Variants in ADAMTS3 observed in about 807,000 individuals in gnomAD.
ADAMTS3 encodes the protein ADAM metallopeptidase with thrombospondin type 1 motif 3.
ADAMTS3 carries 73 observed loss-of-function variants against 129.0 expected under a neutral mutation model. The observed-to-expected ratio is 0.57, with a 90% confidence interval of 0.47 to 0.69. The LOEUF (loss-of-function observed/expected upper bound fraction) is 0.69, where lower values mean the gene tolerates loss of function less well. Ranked by LOEUF, ADAMTS3 falls within the 30% of genes least tolerant of loss-of-function variation. The probability of loss-of-function intolerance (pLI) is 0.00; values close to 1 mark genes in which losing one functional copy is unlikely to be tolerated. For synonymous variants in ADAMTS3, 477 were observed against 510.8 expected, an observed-to-expected ratio of 0.93 and a Z score of 0.89; for missense variants, 1,457 against 1,514.5, an observed-to-expected ratio of 0.96 and a Z score of 0.63.
At chr4:72,316,217 GT>G (rs1693024087) in intron 10 of ADAMTS3, among the ~76,000 whole-genome samples, 2 of 152,010 alleles carry the variant, frequency 1.3e-5, no homozygotes, top group Admixed American at 1.3e-4. Context: ...GACTTTTAAG[GT>G]TTTTGCTTGC....
chr4:72,355,964 G>T (rs959306964), intron 4 of ADAMTS3, among the ~76,000 whole-genome samples: 5 of 151,884 alleles, frequency 3.3e-5, no homozygotes, highest in African/African-American at 1.2e-4. Context: ...TGCAGACAGA[G>T]GGACATATAT....
At chr4:72,544,422 ACACTTGACCAATCT>A (rs990041610) in intron 3 of ADAMTS3, among the ~76,000 whole-genome samples, 12 of 152,206 alleles carry the variant, frequency 7.9e-5, no homozygotes, top group African/African-American at 2.9e-4. Flanking sequence ...GACAAGAGTT[ACACTTGACCAATCT>A]CAGTACTTAC....
chr4:72,288,923 T>C lies in ADAMTS3; in HGVS notation c.2932-55A>G, dbSNP rs74873938. The C allele has an allele frequency of 4.9e-3, 2,229 of 452,644 alleles. 29 individuals carry two copies. The highest frequency in any genetic ancestry group is 0.035 in the African/African-American group (1,596 of 45,968). 28.0% of individuals were successfully genotyped at this position (452,644 alleles called of 1,614,324 possible). Reference sequence around the variant, plus strand: ...ATTTATTGCACCAAGACCATGCACATACACACACACACACACACACACACA... The same window carrying C: ...ATTTATTGCACCAAGACCATGCACACACACACACACACACACACACACACA... On this transcript the variant is annotated intron_variant, in intron 20 of 21. Coordinates refer to ENST00000286657, the MANE Select transcript of ADAMTS3 (RefSeq NM_014243.3).
chr4:72,547,543 G>A (rs1292297775), intron 3 of ADAMTS3, among the ~76,000 whole-genome samples: 1 of 152,162 alleles, frequency 6.6e-6, no homozygotes, highest in Admixed American at 6.6e-5. Context: ...GTAATATGAT[G>A]ATTTCAGTCA....
At chr4:72,370,799 T>A (rs1332558158) in intron 4 of ADAMTS3, among the ~76,000 whole-genome samples, 2 of 152,010 alleles carry the variant, frequency 1.3e-5, no homozygotes, top group Non-Finnish European at 2.9e-5. Flanking sequence ...AGATGGTAGG[T>A]ATAATCCCAA....
intron 3 of ADAMTS3, among the ~76,000 whole-genome samples, chr4:72,449,802 T>C (rs548721951): frequency 3.3e-5 from 5 of 151,878 alleles, no homozygotes; most frequent in Admixed American, 3.3e-4. Flanking sequence ...CTCACTTTCT[T>C]ACTCGTCCTC....
Position 72,323,892 on chromosome 4 carries a change from G to T in ADAMTS3, c.862-795C>A, listed in dbSNP as rs562386872. On this transcript the variant is annotated intron_variant, in intron 5 of 21. Coordinates refer to ENST00000286657, the MANE Select transcript of ADAMTS3 (RefSeq NM_014243.3). ...TATACAGATGAAGAAAATAAAGCCT[G>T]TAGAAATTATCTGACATGCAAAACA... 4.6e-4 allele frequency among the ~76,000 whole-genome samples: 70 copies of T among 152,282 alleles called. 1 individual carries two copies. Among genetic ancestry groups the T allele is most frequent in the Non-Finnish European group, 8.4e-4 (57 of 68,024 alleles).
At chr4:72,356,376 ATATTC>A (rs1720582532) in intron 4 of ADAMTS3, among the ~76,000 whole-genome samples, 1 of 151,898 alleles carries the variant, frequency 6.6e-6, no homozygotes, top group South Asian at 2.1e-4. Flanking sequence ...CTATTATATG[ATATTC>A]TATTCTATCT....
At chr4:72,549,613 G>A (rs1288268632) in intron 2 of ADAMTS3, among the ~76,000 whole-genome samples, 1 of 152,036 alleles carries the variant, frequency 6.6e-6, no homozygotes, top group Non-Finnish European at 1.5e-5. Context: ...GGGTAAAGAA[G>A]ACATAATAAT....
At chr4:72,466,113 T>C (rs1295650024) in intron 3 of ADAMTS3, among the ~76,000 whole-genome samples, 3 of 152,086 alleles carry the variant, frequency 2.0e-5, no homozygotes, top group African/African-American at 7.2e-5. Flanking sequence ...AATGTGATAA[T>C]GCAAGATGCC....
intron 3 of ADAMTS3, among the ~76,000 whole-genome samples, chr4:72,513,834 C>T (rs1327062060): frequency 6.6e-6 from 1 of 152,120 alleles, no homozygotes; most frequent in African/African-American, 2.4e-5. Flanking sequence ...ACCCTCACTC[C>T]TCTCCCATCC....
chr4:72,514,426 C>T (rs1470120435), intron 3 of ADAMTS3, among the ~76,000 whole-genome samples: 1 of 152,120 alleles, frequency 6.6e-6, no homozygotes, highest in Non-Finnish European at 1.5e-5. Flanking sequence ...GAAAAACAAA[C>T]ATTATCATCA....
chr4:72,501,443 C>A (rs1274425626), intron 3 of ADAMTS3, among the ~76,000 whole-genome samples: 1 of 152,018 alleles, frequency 6.6e-6, no homozygotes, highest in African/African-American at 2.4e-5. Flanking sequence ...TATAGAAATG[C>A]TACTAATTTT....
chr4:72,550,004 G>A lies in ADAMTS3; in HGVS notation c.98-1120C>T, dbSNP rs1241542774. 1.7e-3 allele frequency among the ~76,000 whole-genome samples: 7 copies of A among 4,136 alleles called. 2 individuals carry two copies. Among genetic ancestry groups the A allele is most frequent in the African/African-American group, 8.7e-3 (6 of 690 alleles). The allele number at this position is 4,136 out of a possible 152,430, so 2.7% of individuals were successfully genotyped here. On this transcript the variant is annotated intron_variant, in intron 2 of 21. Coordinates refer to ENST00000286657, the MANE Select transcript of ADAMTS3 (RefSeq NM_014243.3). ...AGAAGAAGAAGAAGAGGAAGAGGAA[G>A]AAGAAGAAGAAGAAGAAGAAGAAGA...
At chr4:72,318,829 C>A in intron 9 of ADAMTS3, 125 bp from the exon 10 acceptor site, 1 of 966,956 alleles carries the variant, frequency 1.0e-6, no homozygotes, top group Non-Finnish European at 1.5e-6. Flanking sequence ...AGCAAATTTG[C>A]AAAAACATGT....
chr4:72,426,323 A>G (rs948209056), intron 3 of ADAMTS3, among the ~76,000 whole-genome samples: 3 of 152,124 alleles, frequency 2.0e-5, no homozygotes, highest in African/African-American at 7.2e-5. Flanking sequence ...TGCTGTGCAG[A>G]AGCTCTTTAG....
intron 3 of ADAMTS3, among the ~76,000 whole-genome samples, chr4:72,516,953 G>C (rs1560546378): frequency 6.6e-6 from 1 of 152,134 alleles, no homozygotes; most frequent in East Asian, 1.9e-4. Context: ...TGCCCATTCA[G>C]TATGATATTA....
intron 3 of ADAMTS3, among the ~76,000 whole-genome samples, chr4:72,455,789 T>C (rs577343939): frequency 7.6e-6 from 1 of 131,040 alleles, no homozygotes; most frequent in East Asian, 2.2e-4. Flanking sequence ...ACTACTTATA[T>C]ATATATATAT....
chr4:72,521,647 CTATT>C (rs956993010), intron 3 of ADAMTS3, among the ~76,000 whole-genome samples: 4 of 152,098 alleles, frequency 2.6e-5, no homozygotes, highest in Non-Finnish European at 2.9e-5. Flanking sequence ...TCGAAAGTGA[CTATT>C]TATTATATTA....
Sources: gnomAD v4.1 joint callset for allele counts (sites outside exome capture counted in the v4.1 genomes callset) on GRCh38, gnomAD v4.1.1 for gene constraint, MANE v1.5 for transcripts, NCBI Gene and HGNC (gene_info 2026-07-23, HGNC 2026-07-21) for gene names.